The following SGCZ variants were observed in gnomAD, a reference collection of about 807,000 sequenced individuals.
SGCZ encodes sarcoglycan zeta, also known as zeta-sarcoglycan.
Under a neutral mutation model 41.3 loss-of-function variants are expected in SGCZ, and 40 were observed. The ratio of observed to expected loss-of-function variants is 0.97; its 90% CI spans 0.75 to 1.26. The LOEUF (loss-of-function observed/expected upper bound fraction) is 1.26. SGCZ is among the 50% of genes most tolerant of loss of function. The pLI is 0.00. For missense variants in SGCZ, 552 were observed against 369.8 expected (o/e 1.49, Z -4.04); for synonymous variants, 206 against 137.5 (o/e 1.50, Z -3.49).
intron 1 of SGCZ, among the ~76,000 whole-genome samples, chr8:14,756,176 T>C (rs1219055335): frequency 7.0e-6 from 1 of 142,744 alleles, no homozygotes; most frequent in Non-Finnish European, 1.5e-5. Context: ...ATATTTTCAG[T>C]AGAAGTAAAT....
intron 2 of SGCZ, among the ~76,000 whole-genome samples, chr8:14,441,361 G>A (rs1013142814): frequency 3.9e-5 from 6 of 152,136 alleles, no homozygotes; most frequent in Non-Finnish European, 7.3e-5. Context: ...TGGATCACGA[G>A]GTCAAGAGAT....
In SGCZ at chr8:15,039,425, A is replaced by G. The variant is rs141613707; in HGVS notation, c.39+198160T>C. 1.3e-3 allele frequency among the ~76,000 whole-genome samples: 191 copies of G among 152,314 alleles called. 1 individual carries two copies. The highest frequency in any genetic ancestry group is 3.9e-3 in the African/African-American group (162 of 41,578). ...TTACATGTGGCATCTAAAACATCCAACTCAGAAGTAGAGAATAGAATGGGG... is the reference window on the plus strand; with the variant it reads ...TTACATGTGGCATCTAAAACATCCAGCTCAGAAGTAGAGAATAGAATGGGG... On this transcript the variant is annotated intron_variant, in intron 1 of 7. Transcript: ENST00000382080.
Position 14,156,916 on chromosome 8 carries a change from A to G in SGCZ, c.547+7664T>C, listed in dbSNP as rs189796727. On this transcript the variant is annotated intron_variant, in intron 5 of 7. Transcript: ENST00000382080. ...TACCTCCTGAAGGACCTGCCTGAGGATGTTCTCCAGTTAACTTTTTTTATA... is the reference window on the plus strand; with the variant it reads ...TACCTCCTGAAGGACCTGCCTGAGGGTGTTCTCCAGTTAACTTTTTTTATA... Among the ~76,000 whole-genome samples, 87 of 152,280 alleles carry G rather than the reference A, an allele frequency of 5.7e-4. 1 individual carries two copies. The Middle Eastern group carries it at 0.014, about 24-fold the overall frequency.
At chr8:14,380,562 G>C (rs1224431418) in intron 2 of SGCZ, among the ~76,000 whole-genome samples, 3 of 152,116 alleles carry the variant, frequency 2.0e-5, no homozygotes, top group Non-Finnish European at 4.4e-5. Context: ...ATAAAGAATT[G>C]TGCAATGTAG....
intron 1 of SGCZ, among the ~76,000 whole-genome samples, chr8:14,641,933 T>A (rs1807039933): frequency 6.6e-6 from 1 of 151,696 alleles, no homozygotes; most frequent in Non-Finnish European, 1.5e-5. Flanking sequence ...CTGATAGTAT[T>A]ACTTTGAAAC....
At chr8:14,937,962 T>A (rs1421765735) in intron 1 of SGCZ, among the ~76,000 whole-genome samples, 2 of 152,180 alleles carry the variant, frequency 1.3e-5, no homozygotes, top group African/African-American at 4.8e-5. Flanking sequence ...GCTAAGTACA[T>A]ACTTTTATTT....
At chr8:14,648,902 C>T (rs1439923998) in intron 1 of SGCZ, among the ~76,000 whole-genome samples, 1 of 152,054 alleles carries the variant, frequency 6.6e-6, no homozygotes, top group Non-Finnish European at 1.5e-5. Flanking sequence ...ATTAAGCCAT[C>T]TGAAAGAATA....
At chr8:14,104,609 C>T (rs962057995) in intron 6 of SGCZ, among the ~76,000 whole-genome samples, 1 of 152,096 alleles carries the variant, frequency 6.6e-6, no homozygotes, top group Non-Finnish European at 1.5e-5. Flanking sequence ...AAATACCCTA[C>T]TTTATCATTA....
intron 1 of SGCZ, among the ~76,000 whole-genome samples, chr8:14,669,688 G>C (rs1018288892): frequency 1.4e-5 from 1 of 73,758 alleles, no homozygotes; most frequent in Non-Finnish European, 2.6e-5. Flanking sequence ...ATTCCATTTT[G>C]TGTATACACA....
intron 1 of SGCZ, among the ~76,000 whole-genome samples, chr8:14,623,942 C>A (rs906242027): frequency 6.6e-6 from 1 of 152,142 alleles, no homozygotes; most frequent in Non-Finnish European, 1.5e-5. Flanking sequence ...TTTGTTAGGA[C>A]ACTGAAATTT....
intron 1 of SGCZ, among the ~76,000 whole-genome samples, chr8:14,898,769 A>G (rs1040029809): frequency 3.1e-4 from 47 of 152,172 alleles, no homozygotes; most frequent in Admixed American, 1.7e-3. Context: ...CTAGTTGGAG[A>G]TAAGATTTGG....
chr8:15,081,779 C>A (rs980368672), intron 1 of SGCZ, among the ~76,000 whole-genome samples: 1 of 152,082 alleles, frequency 6.6e-6, no homozygotes, highest in African/African-American at 2.4e-5. Flanking sequence ...AGGCAAGTAA[C>A]TGGATTTATC....
intron 1 of SGCZ, among the ~76,000 whole-genome samples, chr8:14,780,238 G>A (rs897707141): frequency 6.6e-6 from 1 of 151,954 alleles, no homozygotes; most frequent in Admixed American, 6.6e-5. Context: ...AGCCTGGTGT[G>A]GTGGCGGGCA....
intron 1 of SGCZ, among the ~76,000 whole-genome samples, chr8:14,599,405 C>T (rs1386337678): frequency 2.6e-5 from 4 of 152,212 alleles, no homozygotes; most frequent in African/African-American, 9.6e-5. Flanking sequence ...TCAGCACATA[C>T]ATTCTCAGGT....
intron 1 of SGCZ, among the ~76,000 whole-genome samples, chr8:14,869,348 T>C (rs572908766): frequency 6.6e-6 from 1 of 152,266 alleles, no homozygotes; most frequent in African/African-American, 2.4e-5. Flanking sequence ...CACATGATTA[T>C]CTCAATAGAT....
intron 1 of SGCZ, among the ~76,000 whole-genome samples, chr8:15,123,229 A>G (rs1807554997): frequency 6.6e-6 from 1 of 152,208 alleles, no homozygotes; most frequent in Non-Finnish European, 1.5e-5. Context: ...ATGCTTCAAA[A>G]TAAAACAACC....
intron 1 of SGCZ, among the ~76,000 whole-genome samples, chr8:14,840,639 T>C (rs112494325): frequency 1.4e-3 from 219 of 152,236 alleles, no homozygotes; most frequent in Middle Eastern, 6.8e-3. Context: ...GCACTCTAAC[T>C]ATCTTAACTT....
intron 3 of SGCZ, among the ~76,000 whole-genome samples, chr8:14,264,762 C>G (rs1445019893): frequency 6.6e-6 from 1 of 152,116 alleles, no homozygotes; most frequent in Non-Finnish European, 1.5e-5. Context: ...GAGACCAAGA[C>G]CATCCTGGCT....
intron 2 of SGCZ, among the ~76,000 whole-genome samples, chr8:14,413,180 G>C (rs1299534010): frequency 6.6e-6 from 1 of 151,870 alleles, no homozygotes; most frequent in Non-Finnish European, 1.5e-5. Flanking sequence ...ACACCAACTA[G>C]AGCAACACAG....
Sources: allele counts gnomAD v4.1 joint callset (sites outside exome capture counted in the v4.1 genomes callset), GRCh38; gene constraint gnomAD v4.1.1; transcripts MANE v1.5; gene names NCBI Gene and HGNC (gene_info 2026-07-23, HGNC 2026-07-21).